Variants in ELL2 observed in about 807,000 individuals in gnomAD.
The protein encoded by ELL2 is elongation factor for RNA polymerase II 2.
Under a neutral mutation model 72.8 loss-of-function variants are expected in ELL2, and 21 were observed. The observed-to-expected ratio is 0.29, with a 90% CI of 0.20 to 0.42. The LOEUF (loss-of-function observed/expected upper bound fraction) is 0.42, where lower values mean the gene tolerates loss of function less well. ELL2 is among the 10% of genes least tolerant of loss of function. The pLI is 1.00. For synonymous variants in ELL2, 266 were observed against 283.2 expected, an observed-to-expected ratio of 0.94 and a Z score of 0.61; for missense variants, 568 against 772.8, an observed-to-expected ratio of 0.73 and a Z score of 3.14.
rs1376382332 is a variant in ELL2, at chr5:95,898,432, G to T, written c.1333C>A (p.Leu445Ile). The T allele has an allele frequency of 1.2e-6, 2 of 1,613,460 alleles. No individual in the cohort carries two copies. The highest frequency in any genetic ancestry group is 1.7e-6 in the Non-Finnish European group (2 of 1,179,896). The change falls in exon 8 of 12, where the codon CTA becomes ATA. Residue 445 changes from leucine (L) to isoleucine (I), a missense_variant. By Grantham distance (5) the Leu-to-Ile change is conservative. Coordinates refer to ENST00000237853, the MANE Select transcript of ELL2 (RefSeq NM_012081.6). ...LETLPPGSVL[L>I]KCPKPMEENH... is the part of the protein sequence containing the mutation. ...TCTTCCATAGGCTTTGGACACTTTAGTAGAACGGAACCAGGGGGTAAGGTT... is the reference window on the plus strand; with the variant it reads ...TCTTCCATAGGCTTTGGACACTTTATTAGAACGGAACCAGGGGGTAAGGTT...
At chr5:95,907,246 G>A (rs1749396184) in intron 4 of ELL2, among the ~76,000 whole-genome samples, 1 of 148,348 alleles carries the variant, frequency 6.7e-6, no homozygotes, top group Non-Finnish European at 1.5e-5. Context: ...ACAAAGAGGG[G>A]GGAGGTCAAC....
chr5:95,944,864 C>T (rs17466655), intron 1 of ELL2, among the ~76,000 whole-genome samples: 2 of 152,228 alleles, frequency 1.3e-5, no homozygotes, highest in Non-Finnish European at 1.5e-5. Flanking sequence ...ATTTGAAATT[C>T]TCTCTCCAAC....
rs1751527006 is a variant in ELL2 at position 95,954,130 on chromosome 5, ACAG to A, written c.147+7442_147+7444del. Reference sequence around the variant, plus strand: ...GTTTATATAAGACATGTTAAGTAATACAGCACTGTTTTATATATCTGTCTGCCT... The same window carrying A: ...GTTTATATAAGACATGTTAAGTAATACACTGTTTTATATATCTGTCTGCCT... On this transcript the variant is annotated intron_variant, in intron 1 of 11. Coordinates refer to ENST00000237853, the MANE Select transcript of ELL2 (RefSeq NM_012081.6). 2.0e-5 allele frequency among the ~76,000 whole-genome samples: 3 copies of A among 152,334 alleles called. No individual in the cohort carries two copies. In the South Asian group the frequency reaches 6.2e-4, roughly 32 times the overall value.
chr5:95,944,300 C>G (rs911145789), intron 1 of ELL2, among the ~76,000 whole-genome samples: 7 of 152,062 alleles, frequency 4.6e-5, no homozygotes, highest in Non-Finnish European at 1.0e-4. Context: ...AATGAATAAA[C>G]AAATATCTTC....
intron 1 of ELL2, among the ~76,000 whole-genome samples, chr5:95,949,252 G>A (rs1156815221): frequency 2.0e-5 from 3 of 152,124 alleles, no homozygotes; most frequent in Non-Finnish European, 4.4e-5. Context: ...TTTGGGGTGG[G>A]AGAAGAGCAC....
intron 1 of ELL2, among the ~76,000 whole-genome samples, chr5:95,950,143 C>T (rs1425549486): frequency 6.6e-6 from 1 of 152,122 alleles, no homozygotes; most frequent in Non-Finnish European, 1.5e-5. Context: ...AAATACCAGA[C>T]AATTTGAGAA....
At chr5:95,889,185 A>G in intron 10 of ELL2, 55 bp from the exon 11 acceptor site, 1 of 1,328,728 alleles carries the variant, frequency 7.5e-7, no homozygotes, top group South Asian at 1.3e-5. Context: ...GTGTGTGGCA[A>G]TACAAATAGA....
intron 5 of ELL2, among the ~76,000 whole-genome samples, chr5:95,903,508 G>A (rs765172698): frequency 1.5e-4 from 23 of 151,840 alleles, no homozygotes; most frequent in Non-Finnish European, 2.9e-4. Flanking sequence ...GGATTACAGG[G>A]GTGAGCCACG....
At chr5:95,907,938 C>T (rs1195090820) in intron 4 of ELL2, among the ~76,000 whole-genome samples, 1 of 152,214 alleles carries the variant, frequency 6.6e-6, no homozygotes, top group Non-Finnish European at 1.5e-5. Context: ...CTGGGCTCCC[C>T]AGGCCTGGTC....
intron 10 of ELL2, among the ~76,000 whole-genome samples, chr5:95,889,694 T>C (rs1182424844): frequency 2.6e-5 from 4 of 152,168 alleles, no homozygotes; most frequent in Non-Finnish European, 1.5e-5. Context: ...TTATTGGGCA[T>C]AAAACAATGG....
intron 1 of ELL2, 64 bp from the exon 2 acceptor site, chr5:95,943,113 T>A: frequency 7.2e-7 from 1 of 1,385,588 alleles, no homozygotes; most frequent in Non-Finnish European, 1.0e-6. Context: ...GAACTAAATG[T>A]TTAAACTTTA....
intron 8 of ELL2, among the ~76,000 whole-genome samples, chr5:95,897,850 AAAG>A (rs1336089336): frequency 6.6e-6 from 1 of 152,300 alleles, no homozygotes; most frequent in Admixed American, 6.5e-5. Context: ...TTTCATTGAG[AAAG>A]AAGGAAATGA....
At chr5:95,907,294 A>G (rs556752288) in intron 4 of ELL2, among the ~76,000 whole-genome samples, 3 of 79,574 alleles carry the variant, frequency 3.8e-5, no homozygotes, top group Admixed American at 1.2e-4. Flanking sequence ...ATATATATAT[A>G]TATTTTTTTT....
intron 2 of ELL2, among the ~76,000 whole-genome samples, chr5:95,930,343 G>A (rs889797185): frequency 1.2e-4 from 19 of 152,188 alleles, no homozygotes; most frequent in Admixed American, 9.2e-4. Flanking sequence ...GCAGTCAGCA[G>A]CAGTTGTGTA....
At chr5:95,937,542 G>GTA (rs1304169861) in intron 2 of ELL2, among the ~76,000 whole-genome samples, 1 of 151,332 alleles carries the variant, frequency 6.6e-6, no homozygotes, top group African/African-American at 2.4e-5. Context: ...TTGTGTGTGT[G>GTA]TATATATAAA....
chr5:95,941,253 G>T (rs1195914567), intron 2 of ELL2, among the ~76,000 whole-genome samples: 1 of 152,120 alleles, frequency 6.6e-6, no homozygotes, highest in Non-Finnish European at 1.5e-5. Context: ...GCTTCCATCA[G>T]TGAACTATAC....
At chr5:95,907,092 A>G (rs1013738187) in intron 4 of ELL2, among the ~76,000 whole-genome samples, 1 of 152,062 alleles carries the variant, frequency 6.6e-6, no homozygotes, top group Non-Finnish European at 1.5e-5. Context: ...TTGATAACTT[A>G]TATCTTAAAT....
intron 2 of ELL2, among the ~76,000 whole-genome samples, chr5:95,939,281 A>G (rs1750885656): frequency 6.6e-6 from 1 of 152,202 alleles, no homozygotes; most frequent in East Asian, 1.9e-4. Flanking sequence ...TGAATCCTAC[A>G]TTATGAATTA....
intron 2 of ELL2, among the ~76,000 whole-genome samples, chr5:95,935,744 G>T (rs1045929840): frequency 6.6e-6 from 1 of 152,102 alleles, no homozygotes; most frequent in African/African-American, 2.4e-5. Context: ...TGCTCTTTTC[G>T]TCTATTTCAG....
Sources: allele counts gnomAD v4.1 joint callset (sites outside exome capture counted in the v4.1 genomes callset), GRCh38; gene constraint gnomAD v4.1.1; transcripts MANE v1.5; gene names NCBI Gene and HGNC (gene_info 2026-07-23, HGNC 2026-07-21).